PTPRD: variants seen among roughly 807,000 people sequenced by gnomAD.
The protein encoded by PTPRD is receptor-type tyrosine-protein phosphatase delta.
Under a neutral mutation model 214.5 loss-of-function variants are expected in PTPRD, and 34 were observed. That is an observed-to-expected ratio of 0.16 (90% CI 0.12 to 0.21). The LOEUF (loss-of-function observed/expected upper bound fraction) is 0.21, where lower values mean the gene tolerates loss of function less well. Among genes scored for constraint, PTPRD ranks in the 10% least tolerant of loss-of-function variants. The pLI is 1.00. For missense variants in PTPRD, 2,545 were observed against 2,398.7 expected (o/e 1.06, Z -1.27); for synonymous variants, 1,128 against 845.7 (o/e 1.33, Z -5.79).
intron 14 of PTPRD, among the ~76,000 whole-genome samples, chr9:8,616,635 G>C (rs1243547705): frequency 1.3e-5 from 2 of 152,056 alleles, no homozygotes; most frequent in South Asian, 4.1e-4. Flanking sequence ...AAAGATTGTG[G>C]TTTTTCTCTC....
chr9:8,768,307 T>A (rs1190390568), intron 11 of PTPRD, among the ~76,000 whole-genome samples: 1 of 152,146 alleles, frequency 6.6e-6, no homozygotes, highest in Non-Finnish European at 1.5e-5. Context: ...TCCCAACACT[T>A]TGGGAGGCTG....
intron 11 of PTPRD, among the ~76,000 whole-genome samples, chr9:8,993,512 T>C (rs1469130386): frequency 6.6e-6 from 1 of 152,148 alleles, no homozygotes; most frequent in Admixed American, 6.6e-5. Context: ...CTATAATGTA[T>C]GTATAGTCTG....
chr9:9,965,989 G>A (rs1445308169), intron 4 of PTPRD, among the ~76,000 whole-genome samples: 1 of 152,186 alleles, frequency 6.6e-6, no homozygotes, highest in South Asian at 2.1e-4. Flanking sequence ...ATTGCTAAAA[G>A]CAAGCACAAA....
chr9:9,954,561 C>G (rs955962964), intron 4 of PTPRD, among the ~76,000 whole-genome samples: 58 of 151,324 alleles, frequency 3.8e-4, no homozygotes, highest in Non-Finnish European at 1.3e-4. Flanking sequence ...TAAAATAATG[C>G]AGAAATAGAA....
At chr9:8,536,642 A>G (rs1564153761) in intron 14 of PTPRD, among the ~76,000 whole-genome samples, 2 of 151,988 alleles carry the variant, frequency 1.3e-5, no homozygotes, top group East Asian at 1.9e-4. Flanking sequence ...CTATACCTTT[A>G]GCCCTTCTGT....
chr9:9,748,447 T>C (rs1177864073), intron 6 of PTPRD, among the ~76,000 whole-genome samples: 2 of 152,090 alleles, frequency 1.3e-5, no homozygotes, highest in Non-Finnish European at 2.9e-5. Context: ...AAGATCAAAA[T>C]AAAGACGAAA....
Position 8,682,149 on chromosome 9 carries a change from AATGT to A in PTPRD, c.65-45309_65-45306del, listed in dbSNP as rs149123687. Among the ~76,000 whole-genome samples, 720 of 152,364 alleles carry A rather than the reference AATGT, an allele frequency of 4.7e-3. 4 individuals carry two copies. The highest frequency in any genetic ancestry group is 0.016 in the African/African-American group (684 of 41,594). Reference sequence around the variant, plus strand: ...TACAAGCTAACCACACAATGTGCAGAATGTATGTGACTCATCAAAACATAATAAA... The same window carrying A: ...TACAAGCTAACCACACAATGTGCAGAATGTGACTCATCAAAACATAATAAA... On this transcript the variant is annotated intron_variant, in intron 12 of 45. Transcript: ENST00000381196.
rs550419138 is a variant in PTPRD, at chr9:9,371,060, G to C, written c.-203+26389C>G. 3.0e-3 allele frequency among the ~76,000 whole-genome samples: 448 copies of C among 148,160 alleles called. 5 individuals carry two copies. The highest frequency in any genetic ancestry group is 0.011 in the African/African-American group (433 of 38,740). ...TGCATCAATATTCATTAAGGATATT[G>C]GTCTAAAATTCTCTTTTTTTGTTTT... On this transcript the variant is annotated intron_variant, in intron 9 of 45. Coordinates refer to ENST00000381196, the MANE Select transcript of PTPRD (RefSeq NM_002839.4).
intron 11 of PTPRD, among the ~76,000 whole-genome samples, chr9:8,874,946 G>A (rs182012490): frequency 3.3e-5 from 5 of 152,288 alleles, no homozygotes; most frequent in African/African-American, 1.2e-4. Flanking sequence ...TCTGGTGGAT[G>A]CAGAGGAGAT....
chr9:8,561,706 C>A (rs1213841960), intron 14 of PTPRD, among the ~76,000 whole-genome samples: 1 of 151,346 alleles, frequency 6.6e-6, no homozygotes, highest in Non-Finnish European at 1.5e-5. Context: ...ATTCAAATTT[C>A]AAGAATTCAT....
chr9:8,638,368 G>A (rs1176377251), intron 12 of PTPRD, among the ~76,000 whole-genome samples: 1 of 151,750 alleles, frequency 6.6e-6, no homozygotes, highest in Non-Finnish European at 1.5e-5. Flanking sequence ...ACTCTGTTTG[G>A]TTTTCTTGGA....
At chr9:9,221,534 G>T (rs1377525284) in intron 9 of PTPRD, among the ~76,000 whole-genome samples, 1 of 152,036 alleles carries the variant, frequency 6.6e-6, no homozygotes, top group Non-Finnish European at 1.5e-5. Flanking sequence ...TCTCTGGAGA[G>T]GGCTCTCTTT....
chr9:8,590,275 CTGCGGAGGTAATATAAGTGT>C (rs2093998073), intron 14 of PTPRD, among the ~76,000 whole-genome samples: 1 of 152,042 alleles, frequency 6.6e-6, no homozygotes, highest in African/African-American at 2.4e-5. Flanking sequence ...CATAAGAGCT[CTGCGGAGGTAATATAAGTGT>C]GGATATCCAA....
intron 11 of PTPRD, among the ~76,000 whole-genome samples, chr9:8,889,711 T>C (rs2098522366): frequency 6.7e-6 from 1 of 148,152 alleles, no homozygotes; most frequent in Non-Finnish European, 1.5e-5. Context: ...GAACATAAGA[T>C]ATTTGGTTTC....
chr9:8,341,335 C>T (rs1852240341), intron 40 of PTPRD, 67 bp from the exon 41 acceptor site: 2 of 1,446,368 alleles, frequency 1.4e-6, no homozygotes, highest in Non-Finnish European at 1.9e-6. Flanking sequence ...AGTTTGAATG[C>T]AGTGTACCCC....
At chr9:8,677,691 A>G (rs776310584) in intron 12 of PTPRD, among the ~76,000 whole-genome samples, 1 of 152,230 alleles carries the variant, frequency 6.6e-6, no homozygotes, top group Non-Finnish European at 1.5e-5. Context: ...TGTGATAGCC[A>G]GATTATTATC....
chr9:9,655,886 G>A (rs543249068), intron 7 of PTPRD, among the ~76,000 whole-genome samples: 1 of 151,992 alleles, frequency 6.6e-6, no homozygotes, highest in African/African-American at 2.4e-5. Context: ...ACTGAGGTAG[G>A]AGAATTGCTT....
chr9:9,355,625 T>C (rs547527669), intron 9 of PTPRD, among the ~76,000 whole-genome samples: 13 of 151,460 alleles, frequency 8.6e-5, no homozygotes, highest in Non-Finnish European at 1.9e-4. Context: ...AGTGGATAAG[T>C]CAAGCAGGAA....
intron 11 of PTPRD, among the ~76,000 whole-genome samples, chr9:8,763,822 G>A (rs1158459108): frequency 1.3e-5 from 2 of 151,950 alleles, no homozygotes; most frequent in African/African-American, 4.8e-5. Flanking sequence ...TGAGCACAAA[G>A]ACAGCTAGTC....
Sources: gnomAD v4.1 joint callset for allele counts (sites outside exome capture counted in the v4.1 genomes callset) on GRCh38, gnomAD v4.1.1 for gene constraint, MANE v1.5 for transcripts, NCBI Gene and HGNC (gene_info 2026-07-23, HGNC 2026-07-21) for gene names.